The following PINX1 variants were observed in gnomAD, a reference collection of about 807,000 sequenced individuals.
PINX1 encodes the protein PIN2 (TERF1) interacting telomerase inhibitor 1.
In PINX1, 34 loss-of-function variants were observed where a neutral mutation model predicts 25.4. The ratio of observed to expected loss-of-function variants is 1.34; its 90% CI spans 1.02 to 1.78. The LOEUF is 1.78. Among genes scored for constraint, PINX1 ranks in the 40% most tolerant of loss-of-function variants. The pLI, the probability that PINX1 is intolerant of heterozygous loss-of-function variation, is 0.00. For missense variants in PINX1, 592 were observed against 404.9 expected (o/e 1.46, Z -3.97); for synonymous variants, 197 against 147.7 (o/e 1.33, Z -2.42).
At chr8:10,832,749 A>G in intron 3 of PINX1, 143 bp downstream of exon 3, 1 of 532,448 alleles carries the variant, frequency 1.9e-6, no homozygotes, top group Non-Finnish European at 3.4e-6. Flanking sequence ...CCATGCATTC[A>G]AAGCGTCAGT....
At chr8:10,807,537 C>T (rs1437782267) in intron 6 of PINX1, among the ~76,000 whole-genome samples, 3 of 151,982 alleles carry the variant, frequency 2.0e-5, no homozygotes, top group Non-Finnish European at 2.9e-5. Flanking sequence ...TGAATAAAAA[C>T]GCCCAACCAA....
chr8:10,815,798 A>G (rs190655856), intron 6 of PINX1, among the ~76,000 whole-genome samples: 2 of 152,346 alleles, frequency 1.3e-5, no homozygotes, highest in Admixed American at 6.5e-5. Flanking sequence ...GATTTAACCA[A>G]TTGGAGTGAA....
chr8:10,814,313 C>G (rs995790656), intron 6 of PINX1, among the ~76,000 whole-genome samples: 1 of 152,178 alleles, frequency 6.6e-6, no homozygotes, highest in African/African-American at 2.4e-5. Context: ...GATCTTTCAC[C>G]ATTGAAGCAA....
chr8:10,771,973 G>A (rs1331875674), intron 6 of PINX1, among the ~76,000 whole-genome samples: 1 of 152,104 alleles, frequency 6.6e-6, no homozygotes, highest in Non-Finnish European at 1.5e-5. Flanking sequence ...TTCTCCTTCT[G>A]CTCTGTCATT....
At chr8:10,800,415 G>A (rs1036240124) in intron 6 of PINX1, among the ~76,000 whole-genome samples, 20 of 151,786 alleles carry the variant, frequency 1.3e-4, no homozygotes, top group African/African-American at 4.8e-4. Context: ...TCTTGGTCAT[G>A]ATCATTCTAA....
intron 6 of PINX1, among the ~76,000 whole-genome samples, chr8:10,811,702 C>T (rs1797526697): frequency 2.0e-5 from 3 of 152,158 alleles, no homozygotes; most frequent in Admixed American, 2.0e-4. Context: ...ACTCACTGAT[C>T]ATGGTCTCTC....
intron 6 of PINX1, among the ~76,000 whole-genome samples, chr8:10,776,103 A>G (rs989644614): frequency 6.6e-5 from 10 of 152,150 alleles, no homozygotes; most frequent in African/African-American, 1.9e-4. Flanking sequence ...GCACTCAGTA[A>G]AAGGAGAAGG....
At chr8:10,792,888 T>G (rs1277155939) in intron 6 of PINX1, among the ~76,000 whole-genome samples, 1 of 152,174 alleles carries the variant, frequency 6.6e-6, no homozygotes, top group Non-Finnish European at 1.5e-5. Flanking sequence ...ACCATCTCAT[T>G]ATCTGAGATG....
intron 6 of PINX1, among the ~76,000 whole-genome samples, chr8:10,799,388 C>G (rs1254076114): frequency 6.6e-6 from 1 of 152,182 alleles, no homozygotes; most frequent in East Asian, 1.9e-4. Flanking sequence ...CGAGGCCTGA[C>G]AGTTGCTGGG....
At chr8:10,801,166 A>G (rs1402264047) in intron 6 of PINX1, among the ~76,000 whole-genome samples, 1 of 152,190 alleles carries the variant, frequency 6.6e-6, no homozygotes, top group Non-Finnish European at 1.5e-5. Flanking sequence ...TCCCAGTACC[A>G]CAGATTAATC....
intron 6 of PINX1, among the ~76,000 whole-genome samples, chr8:10,776,034 G>C (rs1801381819): frequency 6.6e-6 from 1 of 152,128 alleles, no homozygotes; most frequent in Non-Finnish European, 1.5e-5. Flanking sequence ...AAAATCAACA[G>C]CTACATTTTT....
At chr8:10,813,171 T>G (rs1797589260) in intron 6 of PINX1, among the ~76,000 whole-genome samples, 1 of 152,092 alleles carries the variant, frequency 6.6e-6, no homozygotes, top group South Asian at 2.1e-4. Flanking sequence ...GGCTTATAGT[T>G]CTCCCTAACT....
At chr8:10,824,313 T>C (rs185044775) in intron 5 of PINX1, among the ~76,000 whole-genome samples, 3 of 152,310 alleles carry the variant, frequency 2.0e-5, no homozygotes, top group East Asian at 1.9e-4. Context: ...TGCACCGTGA[T>C]TGGAAAGCTA....
chr8:10,834,720 G>C lies in PINX1; in HGVS notation c.75C>G (p.Asp25Glu). The C allele has an allele frequency of 6.2e-7, 1 of 1,613,722 alleles. No individual in the cohort carries two copies. Among genetic ancestry groups the C allele is most frequent in the Non-Finnish European group, 8.5e-7 (1 of 1,179,796 alleles). ...GCATCCGCTGGCCAAACTTGGAATCGTCATTACTCCAGGCAGTGTTCTGAG... is the reference window on the plus strand; with the variant it reads ...GCATCCGCTGGCCAAACTTGGAATCCTCATTACTCCAGGCAGTGTTCTGAG... ...VDPQNTAWSN[D>E]DSKFGQRMLE... Residue 25 changes from aspartate (D) to glutamate (E), a missense_variant, in exon 2 of 7, where the codon GAC becomes GAG. Asp to Glu is a conservative substitution (Grantham distance 45, BLOSUM62 2). Transcript: ENST00000314787.
At chr8:10,768,405 A>G (rs1309073937) in intron 6 of PINX1, among the ~76,000 whole-genome samples, 3 of 152,234 alleles carry the variant, frequency 2.0e-5, no homozygotes, top group Admixed American at 2.0e-4. Context: ...ATCAGGAAAT[A>G]CAAGACCATT....
Position 10,798,268 on chromosome 8 carries a change from G to C in PINX1, c.471+21925C>G, listed in dbSNP as rs368789968. Among the ~76,000 whole-genome samples, 190 of 152,166 alleles carry C rather than the reference G, an allele frequency of 1.2e-3. 3 individuals carry two copies. In the South Asian group the frequency reaches 0.034, roughly 27 times the overall value. Reference sequence around the variant, plus strand: ...AGTGTGCGTGTATGCATACTCACATGTGTGCTGCTGAAATAATGAGAGCAG... The same window carrying C: ...AGTGTGCGTGTATGCATACTCACATCTGTGCTGCTGAAATAATGAGAGCAG... On this transcript the variant is annotated intron_variant, in intron 6 of 6. Coordinates refer to ENST00000314787, the MANE Select transcript of PINX1 (RefSeq NM_017884.6).
intron 6 of PINX1, among the ~76,000 whole-genome samples, chr8:10,813,693 T>TTGA (rs1409592731): frequency 2.4e-4 from 37 of 152,308 alleles, no homozygotes; most frequent in African/African-American, 8.7e-4. Flanking sequence ...AGGGTTCTAA[T>TTGA]TCAATCAGGT....
At chr8:10,821,129 G>C (rs1020863266) in intron 5 of PINX1, among the ~76,000 whole-genome samples, 2 of 152,220 alleles carry the variant, frequency 1.3e-5, no homozygotes, top group Admixed American at 1.3e-4. Flanking sequence ...GAGGCTCTGG[G>C]CGAGGGAGGT....
chr8:10,792,181 C>G (rs534974155), intron 6 of PINX1, among the ~76,000 whole-genome samples: 17 of 152,252 alleles, frequency 1.1e-4, no homozygotes, highest in African/African-American at 4.1e-4. Context: ...GCGCTGGCCT[C>G]GCTCTCCCTG....
Sources: gnomAD v4.1 joint callset for allele counts (sites outside exome capture counted in the v4.1 genomes callset) on GRCh38, gnomAD v4.1.1 for gene constraint, MANE v1.5 for transcripts, NCBI Gene and HGNC (gene_info 2026-07-23, HGNC 2026-07-21) for gene names.